The following TNPO3 variants were observed in gnomAD, a reference collection of about 807,000 sequenced individuals.
TNPO3 encodes transportin 3, also known as transportin-3.
A neutral mutation model predicts 122.8 loss-of-function variants in TNPO3; 65 were observed. The ratio of observed to expected loss-of-function variants is 0.53; its 90% CI spans 0.43 to 0.65. TNPO3 has a LOEUF of 0.65. Among genes scored for constraint, TNPO3 ranks in the 30% least tolerant of loss-of-function variants. The pLI, the probability that TNPO3 is intolerant of heterozygous loss-of-function variation, is 0.00. For missense variants in TNPO3, 850 were observed against 1,136.7 expected (o/e 0.75, Z 3.63); for synonymous variants, 372 against 411.2 (o/e 0.90, Z 1.15).
chr7:129,001,225 T>C lies in TNPO3; in HGVS notation c.706A>G (p.Lys236Glu), dbSNP rs145553230. 5.6e-6 allele frequency: 9 copies of C among 1,603,676 alleles called. No individual in the cohort carries two copies. Among genetic ancestry groups the C allele is most frequent in the Non-Finnish European group, 6.8e-6 (8 of 1,171,630 alleles). ...ALLFEVLQQD[K>E]TSSNLHEAAS... ...GCTTCATGTAGGTTAGACGAGGTCT[T>C]ATCCTGTTGCTGGGGAGGTAGCAGG... The change falls in exon 6 of 23, where the codon AAG becomes GAG. Residue 236 changes from lysine to glutamate, a missense_variant. Physicochemically the swap from Lys to Glu is moderately conservative, Grantham distance 56. Coordinates refer to ENST00000265388, the MANE Select transcript of TNPO3 (RefSeq NM_012470.4).
At chr7:128,965,339 A>G (rs1797832955) in intron 21 of TNPO3, among the ~76,000 whole-genome samples, 1 of 152,214 alleles carries the variant, frequency 6.6e-6, no homozygotes, top group African/African-American at 2.4e-5. Flanking sequence ...GATGCTCAAC[A>G]TCACTAATCA....
At chr7:129,002,930 C>T (rs976003148) in intron 5 of TNPO3, among the ~76,000 whole-genome samples, 1 of 148,856 alleles carries the variant, frequency 6.7e-6, no homozygotes, top group Non-Finnish European at 1.5e-5. Context: ...GTCCCAGCTA[C>T]TGAGGAGGCT....
At chr7:129,020,264 G>A (rs1432890592) in intron 1 of TNPO3, among the ~76,000 whole-genome samples, 2 of 151,748 alleles carry the variant, frequency 1.3e-5, no homozygotes, top group African/African-American at 4.8e-5. Flanking sequence ...TCCAAACATC[G>A]TGTCTTAAAT....
At chr7:129,003,168 A>G (rs1014501258) in intron 5 of TNPO3, among the ~76,000 whole-genome samples, 7 of 151,210 alleles carry the variant, frequency 4.6e-5, no homozygotes, top group African/African-American at 1.5e-4. Flanking sequence ...GGTTGCCGTG[A>G]GCCGAGATTG....
At chr7:128,973,134 A>T (rs1014677829) in intron 18 of TNPO3, among the ~76,000 whole-genome samples, 1 of 152,226 alleles carries the variant, frequency 6.6e-6, no homozygotes, top group Non-Finnish European at 1.5e-5. Context: ...TCCTAGGTTA[A>T]AAAGTCCTAA....
chr7:129,031,064 C>G (rs1805878527), intron 1 of TNPO3, among the ~76,000 whole-genome samples: 2 of 152,210 alleles, frequency 1.3e-5, no homozygotes, highest in Non-Finnish European at 2.9e-5. Context: ...GCGGGCAGAT[C>G]ACTTGAAGTC....
At chr7:129,024,627 C>T (rs868449604) in intron 1 of TNPO3, among the ~76,000 whole-genome samples, 9 of 152,050 alleles carry the variant, frequency 5.9e-5, no homozygotes, top group Middle Eastern at 6.8e-3. Flanking sequence ...GCTAATTTGC[C>T]GGAAAAACAA....
chr7:129,036,233 G>T (rs563179917), intron 1 of TNPO3, among the ~76,000 whole-genome samples: 1 of 152,016 alleles, frequency 6.6e-6, no homozygotes, highest in Non-Finnish European at 1.5e-5. Flanking sequence ...GATTATAGGC[G>T]TTAGCCACCG....
At chr7:129,018,598 T>A (rs1019106715) in intron 1 of TNPO3, among the ~76,000 whole-genome samples, 4 of 152,260 alleles carry the variant, frequency 2.6e-5, no homozygotes, top group Non-Finnish European at 5.9e-5. Context: ...TTTTAATATA[T>A]CTATAAATAT....
At chr7:129,027,095 T>C (rs1563107235) in intron 1 of TNPO3, among the ~76,000 whole-genome samples, 1 of 152,196 alleles carries the variant, frequency 6.6e-6, no homozygotes, top group South Asian at 2.1e-4. Context: ...TTTTTTTCTG[T>C]AAAATTTGTT....
At chr7:129,051,961 T>C (rs1305442021) in intron 1 of TNPO3, among the ~76,000 whole-genome samples, 3 of 152,188 alleles carry the variant, frequency 2.0e-5, no homozygotes, top group African/African-American at 7.2e-5. Flanking sequence ...GGTGGCTTTT[T>C]AGTAAAGACA....
intron 4 of TNPO3, among the ~76,000 whole-genome samples, chr7:129,009,680 A>G (rs1217109038): frequency 6.6e-6 from 1 of 152,244 alleles, no homozygotes; most frequent in Non-Finnish European, 1.5e-5. Flanking sequence ...GGATTATTTT[A>G]AATTCACAAG....
At chr7:128,957,197 C>T in intron 22 of TNPO3, 27 bp downstream of exon 22, 4 of 1,602,026 alleles carry the variant, frequency 2.5e-6, no homozygotes, top group Non-Finnish European at 3.4e-6. Context: ...ACAGTCCGGA[C>T]AAAAGCTGGG....
chr7:128,985,595 A>G (rs1800059816), intron 12 of TNPO3, among the ~76,000 whole-genome samples: 1 of 152,198 alleles, frequency 6.6e-6, no homozygotes, highest in Non-Finnish European at 1.5e-5. Flanking sequence ...CCCTGTCTCT[A>G]AAATAAATAA....
intron 4 of TNPO3, among the ~76,000 whole-genome samples, chr7:129,007,768 T>C (rs1343265452): frequency 2.0e-5 from 3 of 152,224 alleles, no homozygotes; most frequent in South Asian, 4.1e-4. Context: ...TACACATAAG[T>C]TTATGTCTAG....
intron 11 of TNPO3, 32 bp from the exon 12 acceptor site, chr7:128,986,952 T>A (rs1374863892): frequency 3.9e-6 from 6 of 1,550,062 alleles, no homozygotes; most frequent in Non-Finnish European, 5.2e-6. Flanking sequence ...AGATTACATA[T>A]CTGAAACTAA....
chr7:128,971,896 C>T (rs1160150477), intron 19 of TNPO3, among the ~76,000 whole-genome samples: 1 of 152,212 alleles, frequency 6.6e-6, no homozygotes, highest in African/African-American at 2.4e-5. Context: ...TTTTATCACT[C>T]ATCTGACAAT....
chr7:128,975,039 A>G, intron 17 of TNPO3, 77 bp from the exon 18 acceptor site: 1 of 1,075,906 alleles, frequency 9.3e-7, no homozygotes, highest in Non-Finnish European at 1.4e-6. Flanking sequence ...AATATTTATT[A>G]CAATAAGTAC....
chr7:128,970,359 A>G (rs369632307), intron 19 of TNPO3, 44 bp from the exon 20 acceptor site: 3 of 1,523,484 alleles, frequency 2.0e-6, no homozygotes, highest in East Asian at 2.3e-5. Context: ...TCTAGTCTCA[A>G]CTTCCCAAAG....
Sources: gnomAD v4.1 joint callset for allele counts (sites outside exome capture counted in the v4.1 genomes callset) on GRCh38, gnomAD v4.1.1 for gene constraint, MANE v1.5 for transcripts, NCBI Gene and HGNC (gene_info 2026-07-23, HGNC 2026-07-21) for gene names.